Variants in TTC6 observed in about 807,000 individuals in gnomAD.
TTC6 encodes the protein tetratricopeptide repeat domain 6, also known as tetratricopeptide repeat protein 6.
TTC6 carries 172 observed loss-of-function variants against 210.4 expected under a neutral mutation model. The observed-to-expected ratio is 0.82, with a 90% CI of 0.72 to 0.93. TTC6 has a LOEUF of 0.93. Ranked by LOEUF, TTC6 falls within the 40% of genes least tolerant of loss-of-function variation. TTC6 has a pLI of 0.00. For synonymous variants in TTC6, 804 were observed against 819.6 expected (o/e 0.98, Z 0.32); for missense variants, 2,414 against 2,318.1 (o/e 1.04, Z -0.85).
intron 14 of TTC6, among the ~76,000 whole-genome samples, chr14:37,773,765 T>C (rs1450406776): frequency 6.6e-6 from 1 of 152,226 alleles, no homozygotes; most frequent in Non-Finnish European, 1.5e-5. Context: ...CATGTGAATT[T>C]TAAAATGGCT....
chr14:37,720,935 T>C (rs894697431), intron 6 of TTC6, among the ~76,000 whole-genome samples: 1 of 152,122 alleles, frequency 6.6e-6, no homozygotes. Context: ...GTTTATGATA[T>C]GGTACTATGG....
At chr14:37,807,487 C>G in intron 23 of TTC6, 27 bp downstream of exon 25, 1 of 1,440,006 alleles carries the variant, frequency 6.9e-7, no homozygotes, top group Non-Finnish European at 9.2e-7. Context: ...CCTGGTTTAC[C>G]GAAATTTTAG....
intron 1 of TTC6, among the ~76,000 whole-genome samples, chr14:37,631,526 T>C (rs989958614): frequency 6.6e-6 from 1 of 152,218 alleles, no homozygotes; most frequent in African/African-American, 2.4e-5. Context: ...CCAACCTTTC[T>C]GTCTGGCTGC....
chr14:37,739,182 T>C, intron 10 of TTC6, 27 bp downstream of exon 12: 4 of 1,463,856 alleles, frequency 2.7e-6, no homozygotes, highest in Non-Finnish European at 3.6e-6. Context: ...TTTCTTATAG[T>C]TTAAGAAATA....
At chr14:37,666,110 C>G (rs1237701156) in intron 1 of TTC6, among the ~76,000 whole-genome samples, 1 of 150,454 alleles carries the variant, frequency 6.6e-6, no homozygotes, top group African/African-American at 2.4e-5. Flanking sequence ...TCTAGTGTTT[C>G]AGAGAGTCCT....
At chr14:37,807,251 T>G in intron 22 of TTC6, 69 bp from the exon 25 acceptor site, 1 of 1,347,548 alleles carries the variant, frequency 7.4e-7, no homozygotes, top group Non-Finnish European at 9.8e-7. Flanking sequence ...CCAAGTAGCA[T>G]ATATTTTGGT....
At chr14:37,837,431 TG>T (rs1206259169) in intron 29 of TTC6, 4 of 454,968 alleles carry the variant, frequency 8.8e-6, no homozygotes, top group Non-Finnish European at 1.8e-5. Flanking sequence ...CACAGAAGGA[TG>T]TCAATTCTGT....
chr14:37,635,981 C>CAAAAAAAAAA (rs71433909), intron 1 of TTC6, among the ~76,000 whole-genome samples: 30 of 70,314 alleles, frequency 4.3e-4, no homozygotes, highest in Non-Finnish European at 5.0e-4. Flanking sequence ...ATTCCATTTC[C>CAAAAAAAAAA]AAAAAAAAAA....
At chr14:37,796,765 A>G (rs375242282) in intron 19 of TTC6, 22 bp from the exon 22 acceptor site, 7 of 1,587,440 alleles carry the variant, frequency 4.4e-6, no homozygotes, top group African/African-American at 2.7e-5. Flanking sequence ...AAAGATATTG[A>G]TAAACTTTCC....
chr14:37,663,543 A>G (rs2095741681), intron 1 of TTC6, among the ~76,000 whole-genome samples: 1 of 152,134 alleles, frequency 6.6e-6, no homozygotes, highest in Non-Finnish European at 1.5e-5. Context: ...GTTAATTTGA[A>G]GTGTTCATCC....
chr14:37,622,823 C>CTCT (rs2095653975), exon 1 of TTC6: 1 of 1,533,826 alleles, frequency 6.5e-7, no homozygotes, highest in Non-Finnish European at 8.7e-7. Context: ...AACAGGAGAG[C>CTCT]TGGCCGCCCA....
chr14:37,675,179 C>T (rs1957586), intron 1 of TTC6, among the ~76,000 whole-genome samples: 152,106 of 152,166 alleles, frequency 1, 76,023 homozygotes, highest in Non-Finnish European at 1. Context: ...TCAAAACCAT[C>T]TCATCCTTCC....
At chr14:37,640,958 C>T (rs34840952) in intron 1 of TTC6, among the ~76,000 whole-genome samples, 18,137 of 152,168 alleles carry the variant, frequency 0.12, 1,256 homozygotes, top group East Asian at 0.27. Flanking sequence ...TAAAATCCAG[C>T]ACCAATTGCT....
At chr14:37,752,060 C>T (rs1464571341) in intron 13 of TTC6, among the ~76,000 whole-genome samples, 4 of 151,840 alleles carry the variant, frequency 2.6e-5, no homozygotes, top group Non-Finnish European at 4.4e-5. Context: ...CTCCTGACCT[C>T]GTGATCCGCC....
intron 7 of TTC6, among the ~76,000 whole-genome samples, chr14:37,734,025 T>C (rs1264614362): frequency 2.0e-5 from 3 of 152,202 alleles, no homozygotes; most frequent in Admixed American, 2.0e-4. Context: ...TACCTGTCTG[T>C]CTTTGAATGT....
rs143434262 is a variant in TTC6 at position 37,667,859 on chromosome 14, C to T, written c.940-12292C>T. Among the ~76,000 whole-genome samples, 1,099 of 150,616 alleles carry T rather than the reference C, an allele frequency of 7.3e-3. 26 individuals carry two copies. Among genetic ancestry groups the T allele is most frequent in the African/African-American group, 0.025 (1,040 of 41,406 alleles). Reference sequence around the variant, plus strand: ...ATTTATTTTAAAATTTGGCTGGGGCCGGGCATGGTGGTTCACACCTGTAAT... The same window carrying T: ...ATTTATTTTAAAATTTGGCTGGGGCTGGGCATGGTGGTTCACACCTGTAAT... On this transcript the variant is annotated intron_variant, in intron 1 of 30. Coordinates refer to ENST00000553443, the Ensembl canonical transcript of TTC6.
rs374443409 is a variant in TTC6, at chr14:37,694,390, G to A, written c.1258-2327G>A. On this transcript the variant is annotated intron_variant, in intron 3 of 30. Transcript: ENST00000553443. ...TACAATGAGATATTATCCCAGCCCA[G>A]TTAAAATGGCTTATATCCAAAAGAC... Among the ~76,000 whole-genome samples, 9 of 152,250 alleles carry A rather than the reference G, an allele frequency of 5.9e-5. No individual in the cohort carries two copies. The East Asian group carries it at 1.7e-3, about 29-fold the overall frequency.
intron 14 of TTC6, among the ~76,000 whole-genome samples, chr14:37,766,603 A>G (rs570957242): frequency 5.9e-4 from 90 of 152,052 alleles, no homozygotes; most frequent in Non-Finnish European, 4.6e-4. Flanking sequence ...TCTTTACTCA[A>G]TCTGTCATTG....
intron 14 of TTC6, among the ~76,000 whole-genome samples, chr14:37,778,255 G>T (rs1411914893): frequency 6.6e-6 from 1 of 152,112 alleles, no homozygotes; most frequent in Non-Finnish European, 1.5e-5. Context: ...TGTGTTTGTG[G>T]CAGGGTTGGG....
Sources: allele counts gnomAD v4.1 joint callset (sites outside exome capture counted in the v4.1 genomes callset), GRCh38; gene constraint gnomAD v4.1.1; transcripts MANE v1.5; gene names NCBI Gene and HGNC (gene_info 2026-07-23, HGNC 2026-07-21).